The following KIF1B variants were observed in gnomAD, a reference collection of about 807,000 sequenced individuals.
KIF1B encodes kinesin family member 1B, also known as kinesin-like protein KIF1B.
KIF1B carries 76 observed loss-of-function variants against 241.9 expected under a neutral mutation model. That is an observed-to-expected ratio of 0.31 (90% CI 0.26 to 0.38). The LOEUF (loss-of-function observed/expected upper bound fraction) is 0.38, where lower values mean the gene tolerates loss of function less well. KIF1B is among the 10% of genes least tolerant of loss of function. The pLI is 1.00. For synonymous variants in KIF1B, 750 were observed against 796.7 expected (o/e 0.94, Z 0.99); for missense variants, 1,622 against 2,271.4 (o/e 0.71, Z 5.81).
rs1060501914 is a variant in KIF1B, at chr1:10,278,127, T to C, written c.1179T>C (p.Asp393=). 1.2e-6 allele frequency: 2 copies of C among 1,613,788 alleles called. No individual in the cohort carries two copies. Among genetic ancestry groups the C allele is most frequent in the African/African-American group, 1.3e-5 (1 of 75,028 alleles). Residue 393 remains aspartate, a splice_region_variant and synonymous_variant, in exon 13 of 49, where the codon GAT becomes GAC. Coordinates refer to ENST00000676179, the MANE Select transcript of KIF1B (RefSeq NM_001365951.3). The stretch of plus-strand genomic sequence containing the variant: ...CTCAGGGCCTGGGAGATATTATTGA[T>C]AGTAAGTGAATTAAGGATCGTTACA... ...LRAQGLGDII[D]IDPLIDDYSG...
chr1:10,288,911 A>G (rs892795901), intron 15 of KIF1B, among the ~76,000 whole-genome samples: 12 of 152,186 alleles, frequency 7.9e-5, no homozygotes, highest in African/African-American at 2.9e-4. Flanking sequence ...CCAGAAAGTC[A>G]AACACTAGAC....
At chr1:10,252,330 G>C (rs569601707) in intron 2 of KIF1B, among the ~76,000 whole-genome samples, 1 of 151,890 alleles carries the variant, frequency 6.6e-6, no homozygotes, top group Non-Finnish European at 1.5e-5. Flanking sequence ...GTGAGTGACC[G>C]TGCCCAGCCA....
At chr1:10,290,698 C>T (rs1219168483) in intron 15 of KIF1B, among the ~76,000 whole-genome samples, 2 of 151,616 alleles carry the variant, frequency 1.3e-5, no homozygotes, top group Non-Finnish European at 2.9e-5. Context: ...GGTGAAACCC[C>T]GTCTCTACTA....
chr1:10,219,770 A>C (rs1646816165), intron 1 of KIF1B, among the ~76,000 whole-genome samples: 1 of 151,180 alleles, frequency 6.6e-6, no homozygotes, highest in African/African-American at 2.4e-5. Context: ...AAAAATAAAA[A>C]ATAAAGACTT....
chr1:10,360,058 AT>A (rs1401342678), intron 38 of KIF1B, among the ~76,000 whole-genome samples: 9 of 151,908 alleles, frequency 5.9e-5, no homozygotes, highest in African/African-American at 2.2e-4. Context: ...TAAAAAAATA[AT>A]AAAATAAAAT....
In KIF1B at chr1:10,246,558, A is replaced by G. The variant is rs150938471; in HGVS notation, c.107-9689A>G. Among the ~76,000 whole-genome samples, 1,182 of 152,258 alleles carry G rather than the reference A, an allele frequency of 7.8e-3. 14 individuals are homozygous for G. The highest frequency in any genetic ancestry group is 0.037 in the Middle Eastern group (11 of 294). ...CAAGAGTTGGAGACCAGCCTGGCCA[A>G]CGTGGTGAAACCCCGTCTCTACTAA... is the stretch of plus-strand genomic sequence containing the variant. On this transcript the variant is annotated intron_variant, in intron 2 of 48. Coordinates refer to ENST00000676179, the MANE Select transcript of KIF1B (RefSeq NM_001365951.3).
intron 32 of KIF1B, among the ~76,000 whole-genome samples, chr1:10,341,530 G>T (rs571898906): frequency 6.6e-6 from 1 of 152,390 alleles, no homozygotes; most frequent in Admixed American, 6.5e-5. Context: ...CAGGGGCCAA[G>T]ATCAGTTGAG....
rs1228982466 is a variant in KIF1B at position 10,365,578 on chromosome 1, G to A, written c.4682G>A (p.Ser1561Asn). ...ACCTTTGAAAGCGCCATCACACCTA[G>A]CGAGAGCAGTGGCTATGATTCAGGA... ...TTTFESAITP[S>N]ESSGYDSGDI... The change falls in exon 43 of 49, where the codon AGC becomes AAC. Residue 1561 changes from serine to asparagine, a missense_variant. This residue lies in a region of KIF1B where 357 missense variants were observed against 409.0 expected (regional missense o/e 0.87). Transcript: ENST00000676179. This position sits in a 1 kb window ranked among gnomAD's most constrained non-coding sequence, Gnocchi z 4.0. The A allele has an allele frequency of 1.2e-6, 2 of 1,614,008 alleles. No individual in the cohort carries two copies. The highest frequency in any genetic ancestry group is 2.7e-5 in the African/African-American group (2 of 74,900).
At chr1:10,260,737 C>T (rs902020544) in intron 4 of KIF1B, among the ~76,000 whole-genome samples, 69 of 151,818 alleles carry the variant, frequency 4.5e-4, no homozygotes, top group African/African-American at 1.6e-3. Context: ...CATGGTGGCG[C>T]ATGCCTGTAA....
At chr1:10,296,329 A>G (rs192371669) in intron 19 of KIF1B, among the ~76,000 whole-genome samples, 2 of 152,316 alleles carry the variant, frequency 1.3e-5, no homozygotes, top group African/African-American at 4.8e-5. Flanking sequence ...CCCTGAAACT[A>G]ATATTTCCTA....
intron 38 of KIF1B, among the ~76,000 whole-genome samples, chr1:10,355,750 G>C (rs1204876698): frequency 6.6e-6 from 1 of 152,122 alleles, no homozygotes; most frequent in Non-Finnish European, 1.5e-5. Context: ...TCAAAAGCAT[G>C]AAGGGTTTAT....
chr1:10,251,578 T>TA (rs1474385478), intron 2 of KIF1B, among the ~76,000 whole-genome samples: 6 of 151,866 alleles, frequency 4.0e-5, no homozygotes, highest in Non-Finnish European at 7.4e-5. Context: ...CTACTAGACA[T>TA]ACAAAATTAG....
At chr1:10,295,201 T>C (rs1650201646) in intron 18 of KIF1B, 36 bp downstream of exon 18, 2 of 1,223,458 alleles carry the variant, frequency 1.6e-6, no homozygotes, top group Non-Finnish European at 2.4e-6. Flanking sequence ...CTTCGTGTGT[T>C]TTCCCCCTCT....
chr1:10,319,412 T>A (rs1651438750), intron 22 of KIF1B, among the ~76,000 whole-genome samples: 1 of 152,310 alleles, frequency 6.6e-6, no homozygotes, highest in East Asian at 1.9e-4. Context: ...GTAATCCATC[T>A]TATAGTTGCA....
In KIF1B at chr1:10,326,139, G is replaced by T; in HGVS notation, c.2704G>T (p.Glu902Ter). The T allele has an allele frequency of 6.2e-7, 1 of 1,614,016 alleles. No homozygotes were observed. Among genetic ancestry groups the T allele is most frequent in the South Asian group, 1.1e-5 (1 of 91,056 alleles). The change falls in exon 27 of 49, where the codon GAG becomes TAG. Residue 902 changes from glutamate (E) to a stop codon, truncating the protein, a stop_gained. Coordinates refer to ENST00000676179, the MANE Select transcript of KIF1B (RefSeq NM_001365951.3). LOFTEE classifies it high-confidence loss of function. The surrounding 1 kb of genome is among the most constrained non-coding windows in gnomAD (Gnocchi z 5.2). ...CCCCATTTTCCACGGCTGTGTGAAC[G>T]AGCGCCTTGCCGACCGCACACCCTC... ...SSPIFHGCVN[E>*]RLADRTPSPT...
chr1:10,353,723 A>G (rs535590756), intron 38 of KIF1B, among the ~76,000 whole-genome samples: 107 of 152,190 alleles, frequency 7.0e-4, no homozygotes, highest in Non-Finnish European at 1.3e-3. Flanking sequence ...TTACCATAGG[A>G]AAGAGAAAAA....
chr1:10,368,475 A>C lies in KIF1B; in HGVS notation c.4761A>C (p.Gln1587His). 1 of 1,613,890 alleles carries C rather than the reference A, an allele frequency of 6.2e-7. No individual in the cohort carries two copies. The highest frequency in any genetic ancestry group is 8.5e-7 in the Non-Finnish European group (1 of 1,179,830). Residue 1587 changes from glutamine (Q) to histidine (H), a missense_variant, in exon 44 of 49, where the codon CAA becomes CAC. Physicochemically the swap from Gln to His is conservative, Grantham distance 24 (BLOSUM62 0). Coordinates refer to ENST00000676179, the MANE Select transcript of KIF1B (RefSeq NM_001365951.3). The part of the protein sequence containing the change: ...REKELATKCL[Q>H]LLTHTFNREF... ...CTCTTTCTCTTCTTTAGTGCCTGCA[A>C]CTTCTCACCCACACTTTCAACAGAG...
At chr1:10,356,455 A>G (rs559436689) in intron 38 of KIF1B, among the ~76,000 whole-genome samples, 1 of 152,266 alleles carries the variant, frequency 6.6e-6, no homozygotes, top group Non-Finnish European at 1.5e-5. Context: ...TTCAGTTTAC[A>G]TTTCAGAGAT....
chr1:10,336,729 A>T lies in KIF1B; in HGVS notation c.3116A>T (p.Glu1039Val). ...ACAGCTAAAATATCTTTTGATAATG[A>T]ATACTTTAATCAGGTGAGAAACCGT... Reference protein sequence around the residue: ...SGTAKISFDNEYFNQSDFSSV... With the variant: ...SGTAKISFDNVYFNQSDFSSV... Residue 1039 changes from glutamate (E) to valine (V), a missense_variant, in exon 29 of 49, where the codon GAA (glutamate) becomes GTA (valine). Physicochemically the swap from Glu to Val is moderately radical, Grantham distance 121. Around this residue, in one of 7 missense-constraint regions of KIF1B, gnomAD observed 803 missense variants for 1,112.0 expected, o/e 0.72. Coordinates refer to ENST00000676179, the MANE Select transcript of KIF1B (RefSeq NM_001365951.3). The T allele has an allele frequency of 1.2e-6, 2 of 1,612,458 alleles. No homozygotes were observed. Among genetic ancestry groups the T allele is most frequent in the South Asian group, 1.1e-5 (1 of 91,050 alleles).
Sources: allele counts gnomAD v4.1 joint callset (sites outside exome capture counted in the v4.1 genomes callset), GRCh38; gene constraint gnomAD v4.1.1; regional missense constraint gnomAD v4.1.1; non-coding constraint Gnocchi (gnomAD v3.1); transcripts MANE v1.5; gene names NCBI Gene and HGNC (gene_info 2026-07-23, HGNC 2026-07-21).